The following SKIDA1 variants were observed in gnomAD, a reference collection of about 807,000 sequenced individuals.
SKIDA1 encodes SKI/DACH domain-containing protein 1.
Under a neutral mutation model 51.4 loss-of-function variants are expected in SKIDA1, and 18 were observed. The ratio of observed to expected loss-of-function variants is 0.35; its 90% CI spans 0.24 to 0.52. The LOEUF is 0.52. SKIDA1 is among the 20% of genes least tolerant of loss of function. SKIDA1 has a pLI of 0.95. For synonymous variants in SKIDA1, 579 were observed against 500.5 expected, an observed-to-expected ratio of 1.16 and a Z score of -2.09; for missense variants, 1,104 against 1,180.6, an observed-to-expected ratio of 0.94 and a Z score of 0.95.
In SKIDA1 at chr10:21,517,642, G is replaced by C. The variant is rs756274580; in HGVS notation, c.181C>G (p.Leu61Val). The change falls in exon 4 of 4, where the codon CTG (leucine) becomes GTG (valine). Residue 61 changes from leucine to valine, a missense_variant. Physicochemically the swap from Leu to Val is conservative, Grantham distance 32. This residue lies in a region of SKIDA1 where 54 missense variants were observed against 126.0 expected (regional missense o/e 0.43). Transcript: ENST00000449193. This position sits in a 1 kb window ranked among gnomAD's most constrained non-coding sequence, Gnocchi z 6.9. ...GCCTTGAGTTTCCGCAACTCCTCCA[G>C]ATCGCAGTGGTGCTTCTTCACTTTC... ...HLKVKKHHCD[L>V]EELRKLKAIN... 7.4e-6 allele frequency: 12 copies of C among 1,613,884 alleles called. No individual in the cohort carries two copies. The highest frequency in any genetic ancestry group is 1.0e-5 in the Non-Finnish European group (12 of 1,179,888).
In SKIDA1 at chr10:21,518,530, G is replaced by T. The variant is rs1192549842; in HGVS notation, c.-708C>A. 6.9e-6 allele frequency: 1 copy of T among 145,270 alleles called. No homozygotes were observed. The highest frequency in any genetic ancestry group is 7.4e-5 in the Admixed American group (1 of 13,594). The allele number at this position is 145,270 out of a possible 1,614,324, so 9.0% of individuals were successfully genotyped here. ...ACTTCATCAGAAGCAGTGTGTGTACGCTTAAGGGAGAAAAAAAAAAAAACC... is the reference window on the plus strand; with the variant it reads ...ACTTCATCAGAAGCAGTGTGTGTACTCTTAAGGGAGAAAAAAAAAAAAACC... On this transcript the variant is annotated 5_prime_UTR_variant, in exon 4 of 4. Transcript: ENST00000449193.
chr10:21,514,914 C>CAA lies in SKIDA1; in HGVS notation c.*181_*182insTT. 2.2e-5 allele frequency: 4 copies of CAA among 180,020 alleles called. No homozygotes were observed. Among genetic ancestry groups the CAA allele is most frequent in the Non-Finnish European group, 4.0e-5 (4 of 100,030 alleles). 11.2% of individuals were successfully genotyped at this position (180,020 alleles called of 1,614,324 possible). A position where few individuals can be genotyped will look rare whatever the true frequency, so the allele number is the denominator to read the frequency against. On this transcript the variant is annotated 3_prime_UTR_variant, in exon 4 of 4. Coordinates refer to ENST00000449193, the MANE Select transcript of SKIDA1 (RefSeq NM_207371.4). ...CTTCTCCCACCCCGCCCCCACCCTA[C>CAA]TCCAGAAAAAAAAAAAAAAACCCGC...
intron 2 of SKIDA1, among the ~76,000 whole-genome samples, chr10:21,521,969 CT>C (rs2032408182): frequency 6.6e-6 from 1 of 152,126 alleles, no homozygotes; most frequent in Admixed American, 6.5e-5. Flanking sequence ...TTTATTTTCA[CT>C]GTATTTTATG....
chr10:21,516,235 A>G lies in SKIDA1; in HGVS notation c.1588T>C (p.Ser530Pro). The change falls in exon 4 of 4, where the codon TCT (serine) becomes CCT (proline). Residue 530 changes from serine (S) to proline (P), a missense_variant. Coordinates refer to ENST00000449193, the MANE Select transcript of SKIDA1 (RefSeq NM_207371.4). This position sits in a 1 kb window ranked among gnomAD's most constrained non-coding sequence, Gnocchi z 5.7. Reference protein sequence around the residue: ...WNLQSWAPKASPVYCPASLGS... With the variant: ...WNLQSWAPKAPPVYCPASLGS... ...AGGCTGGCCGGGCAGTACACCGGAG[A>G]TGCTTTGGGGGCCCAGCTCTGCAGA... 6.2e-7 allele frequency: 1 copy of G among 1,614,002 alleles called. No homozygotes were observed. Among genetic ancestry groups the G allele is most frequent in the East Asian group, 2.2e-5 (1 of 44,884 alleles).
chr10:21,523,224 A>AG (rs1441109299), intron 2 of SKIDA1, among the ~76,000 whole-genome samples: 1 of 152,112 alleles, frequency 6.6e-6, no homozygotes, highest in Non-Finnish European at 1.5e-5. Flanking sequence ...GGAAGGGGGC[A>AG]GGGAGGAAAA....
chr10:21,515,057 A>T lies in SKIDA1; in HGVS notation c.*39T>A. On this transcript the variant is annotated 3_prime_UTR_variant, in exon 4 of 4. Coordinates refer to ENST00000449193, the MANE Select transcript of SKIDA1 (RefSeq NM_207371.4). ...ATCCTGTGCAGTTTACAACAAAAGG[A>T]AGGTAATATGGTTCAAGAAAATATC... is the stretch of plus-strand genomic sequence containing the variant. The T allele has an allele frequency of 6.6e-7, 1 of 1,517,618 alleles. No individual in the cohort carries two copies. The highest frequency in any genetic ancestry group is 2.4e-5 in the East Asian group (1 of 41,732). 94.0% of individuals were successfully genotyped at this position (1,517,618 alleles called of 1,614,324 possible). A position where few individuals can be genotyped will look rare whatever the true frequency, so the allele number is the denominator to read the frequency against.
At position 21,515,122 on chromosome 10, in the gene SKIDA1, G is replaced by A; in HGVS notation, c.2701C>T (p.His901Tyr). Reference sequence around the variant, plus strand: ...TATGAATTAAATTTCCTGAATTTGTGACTAGGTGGAAGAGGTATTGCAGAA... The same window carrying A: ...TATGAATTAAATTTCCTGAATTTGTAACTAGGTGGAAGAGGTATTGCAGAA... ...GGSAIPLPPS[H>Y]KFRKFNS Residue 901 changes from histidine (H) to tyrosine (Y), a missense_variant, in exon 4 of 4, where the codon CAC becomes TAC. By Grantham distance (83) the His-to-Tyr change is moderately conservative. Around this residue, in one of 3 missense-constraint regions of SKIDA1, gnomAD observed 112 missense variants for 168.3 expected, o/e 0.67. Coordinates refer to ENST00000449193, the MANE Select transcript of SKIDA1 (RefSeq NM_207371.4). 1 of 1,601,870 alleles carries A rather than the reference G, an allele frequency of 6.2e-7. No homozygotes were observed. The highest frequency in any genetic ancestry group is 8.5e-7 in the Non-Finnish European group (1 of 1,175,750).
chr10:21,523,532 A>G (rs1266115837), intron 2 of SKIDA1, among the ~76,000 whole-genome samples, 151 bp downstream of exon 2: 2 of 152,230 alleles, frequency 1.3e-5, no homozygotes, highest in African/African-American at 2.4e-5. Context: ...AAGAAAAAAA[A>G]TCAGAGAAAG....
In SKIDA1 at chr10:21,513,949, T is replaced by G. The variant is rs1225489404; in HGVS notation, c.*1147A>C. On this transcript the variant is annotated 3_prime_UTR_variant, in exon 4 of 4. Transcript: ENST00000449193. Reference sequence around the variant, plus strand: ...AATATTTCAGCCCGGGCATGGTGGATCACACCTTTAATCCCAGCACTTTGG... The same window carrying G: ...AATATTTCAGCCCGGGCATGGTGGAGCACACCTTTAATCCCAGCACTTTGG... 1 of 152,096 alleles carries G rather than the reference T, an allele frequency of 6.6e-6. No homozygotes were observed. Among genetic ancestry groups the G allele is most frequent in the African/African-American group, 2.4e-5 (1 of 41,400 alleles). 9.4% of individuals were successfully genotyped at this position (152,096 alleles called of 1,614,324 possible).
Position 21,516,542 on chromosome 10 carries a change from C to A in SKIDA1, c.1281G>T (p.Glu427Asp). Residue 427 changes from glutamate (E) to aspartate (D), a missense_variant, in exon 4 of 4, where the codon GAG (glutamate) becomes GAT (aspartate). Glu to Asp is a conservative substitution (Grantham distance 45). Around this residue, in one of 3 missense-constraint regions of SKIDA1, gnomAD observed 938 missense variants for 886.4 expected, o/e 1.06. Transcript: ENST00000449193. This position sits in a 1 kb window ranked among gnomAD's most constrained non-coding sequence, Gnocchi z 5.7. ...AATCCGAGGCCCCGCTGCCCCCCTC[C>A]TCCTCCTCTTCCTCCTCCTCCTCCT... ...EGEEEEEEEE[E>D]EGGSGASDSS... 1 of 1,549,914 alleles carries A rather than the reference C, an allele frequency of 6.5e-7. No homozygotes were observed. The highest frequency in any genetic ancestry group is 8.7e-7 in the Non-Finnish European group (1 of 1,144,084).
In SKIDA1 at chr10:21,517,891, A is replaced by G; in HGVS notation, c.-69T>C. On this transcript the variant is annotated 5_prime_UTR_variant, in exon 4 of 4. Coordinates refer to ENST00000449193, the MANE Select transcript of SKIDA1 (RefSeq NM_207371.4). This position sits in a 1 kb window ranked among gnomAD's most constrained non-coding sequence, Gnocchi z 6.9. ...GTGACGCATACATACACATGTATGT[A>G]TGTTAATCCTCAGCCAGATGCTGCG... The G allele has an allele frequency of 1.1e-5, 15 of 1,360,118 alleles. No homozygotes were observed. Among genetic ancestry groups the G allele is most frequent in the Non-Finnish European group, 1.4e-5 (14 of 1,007,350 alleles). 84.3% of individuals were successfully genotyped at this position (1,360,118 alleles called of 1,614,324 possible).
chr10:21,521,579 A>G (rs1165813715), intron 2 of SKIDA1, 99 bp from the exon 3 acceptor site: 1 of 152,350 alleles, frequency 6.6e-6, no homozygotes, highest in African/African-American at 2.4e-5. Flanking sequence ...GCAAGTACAT[A>G]TGTAGATAGA....
intron 2 of SKIDA1, among the ~76,000 whole-genome samples, chr10:21,523,461 G>C (rs1475827658): frequency 2.0e-5 from 3 of 152,112 alleles, no homozygotes; most frequent in African/African-American, 7.2e-5. Flanking sequence ...CAATTATCTT[G>C]TTTTGTTGTA....
Position 21,517,247 on chromosome 10 carries a change from A to AG in SKIDA1, c.575dup (p.Leu193SerfsTer4). The AG allele has an allele frequency of 6.8e-7, 1 of 1,472,094 alleles. No homozygotes were observed. Among genetic ancestry groups the AG allele is most frequent in the South Asian group, 1.3e-5 (1 of 75,964 alleles). The allele number at this position is 1,472,094 out of a possible 1,614,324, so 91.2% of individuals were successfully genotyped here. On this transcript the variant is annotated frameshift_variant, in exon 4 of 4. Transcript: ENST00000449193. LOFTEE classifies it high-confidence loss of function. The surrounding 1 kb of genome is among the most constrained non-coding windows in gnomAD (Gnocchi z 6.9). The stretch of plus-strand genomic sequence containing the variant: ...GGAGCGGGGCAGTTTCATAGTTTAG[A>AG]GGGGGTTTGCACGGCGAGCGCACGA...
intron 1 of SKIDA1, among the ~76,000 whole-genome samples, chr10:21,525,306 G>A (rs909220104): frequency 2.6e-5 from 4 of 152,218 alleles, no homozygotes; most frequent in Admixed American, 2.6e-4. Context: ...CACTGGCTGG[G>A]AAAGGAGAGG....
chr10:21,516,370 A>G lies in SKIDA1; in HGVS notation c.1453T>C (p.Tyr485His). The G allele has an allele frequency of 6.2e-7, 1 of 1,613,300 alleles. No individual in the cohort carries two copies. Among genetic ancestry groups the G allele is most frequent in the East Asian group, 2.2e-5 (1 of 44,872 alleles). Residue 485 changes from tyrosine to histidine, a missense_variant, in exon 4 of 4, where the codon TAC becomes CAC. By Grantham distance (83) the Tyr-to-His change is moderately conservative (BLOSUM62 2). Around this residue, in one of 3 missense-constraint regions of SKIDA1, gnomAD observed 938 missense variants for 886.4 expected, o/e 1.06. Coordinates refer to ENST00000449193, the MANE Select transcript of SKIDA1 (RefSeq NM_207371.4). The surrounding 1 kb of genome is among the most constrained non-coding windows in gnomAD (Gnocchi z 5.7). The part of the protein sequence containing the change: ...PSVQAQANFL[Y>H]HLASAAAATK... ...GCAGCGGCGGCGGAGGCCAGATGGT[A>G]CAAGAAGTTGGCCTGCGCCTGCACG...
At position 21,514,060 on chromosome 10, in the gene SKIDA1, C is replaced by T. The variant is rs1228107608; in HGVS notation, c.*1036G>A. The T allele has an allele frequency of 1.3e-5, 2 of 151,630 alleles. No individual in the cohort carries two copies. The highest frequency in any genetic ancestry group is 2.9e-5 in the Non-Finnish European group (2 of 67,940). The allele number at this position is 151,630 out of a possible 1,614,324, so 9.4% of individuals were successfully genotyped here. ...TGAAACCCCGTCTCTACTAAAAATA[C>T]AAAAATTAGCCGGACATGGTGGCAC... On this transcript the variant is annotated 3_prime_UTR_variant, in exon 4 of 4. Coordinates refer to ENST00000449193, the MANE Select transcript of SKIDA1 (RefSeq NM_207371.4).
In SKIDA1 at chr10:21,516,536, C is replaced by CA; in HGVS notation, c.1286_1287insT (p.Ser431GlnfsTer8). ...CACTGGAATCCGAGGCCCCGCTGCCCCCCTCCTCCTCCTCTTCCTCCTCCT... is the reference window on the plus strand; with the variant it reads ...CACTGGAATCCGAGGCCCCGCTGCCCACCCTCCTCCTCCTCTTCCTCCTCCT... On this transcript the variant is annotated frameshift_variant, in exon 4 of 4. Transcript: ENST00000449193. LOFTEE classifies it high-confidence loss of function. The surrounding 1 kb of genome is among the most constrained non-coding windows in gnomAD (Gnocchi z 5.7). 1.3e-6 allele frequency: 2 copies of CA among 1,502,486 alleles called. No individual in the cohort carries two copies. The highest frequency in any genetic ancestry group is 8.8e-7 in the Non-Finnish European group (1 of 1,134,814). The allele number at this position is 1,502,486 out of a possible 1,614,324, so 93.1% of individuals were successfully genotyped here.
rs745359515 is a variant in SKIDA1 at position 21,515,519 on chromosome 10, A to C, written c.2304T>G (p.Asp768Glu). The change falls in exon 4 of 4, where the codon GAT becomes GAG. Residue 768 changes from aspartate (D) to glutamate (E), a missense_variant. Around this residue, in one of 3 missense-constraint regions of SKIDA1, gnomAD observed 938 missense variants for 886.4 expected, o/e 1.06. Transcript: ENST00000449193. Reference protein sequence around the residue: ...SCTLGSPKPEDGEYKFGARVR... With the variant: ...SCTLGSPKPEEGEYKFGARVR... The stretch of plus-strand genomic sequence containing the variant: ...CCCTGGCACCAAATTTATATTCCCC[A>C]TCCTCAGGTTTTGGAGAACCTAAAG... 2.5e-6 allele frequency: 4 copies of C among 1,613,936 alleles called. No homozygotes were observed. In the Admixed American group the frequency reaches 6.7e-5, roughly 27 times the overall value.
Sources: gnomAD v4.1 joint callset for allele counts (sites outside exome capture counted in the v4.1 genomes callset) on GRCh38, gnomAD v4.1.1 for gene constraint, gnomAD v4.1.1 regional missense constraint, Gnocchi (gnomAD v3.1) non-coding constraint, MANE v1.5 for transcripts, NCBI Gene and HGNC (gene_info 2026-07-23, HGNC 2026-07-21) for gene names.